RGS17: variants seen among roughly 807,000 people sequenced by gnomAD.
The protein encoded by RGS17 is regulator of G-protein signaling 17.
In RGS17, 12 loss-of-function variants were observed where a neutral mutation model predicts 25.5. The ratio of observed to expected loss-of-function variants is 0.47; its 90% CI spans 0.30 to 0.76. The LOEUF (loss-of-function observed/expected upper bound fraction) is 0.76, where lower values mean the gene tolerates loss of function less well. RGS17 is among the 30% of genes least tolerant of loss of function. RGS17 has a pLI of 0.07. For synonymous variants in RGS17, 71 were observed against 76.9 expected, an observed-to-expected ratio of 0.92 and a Z score of 0.40; for missense variants, 196 against 242.2, an observed-to-expected ratio of 0.81 and a Z score of 1.27.
Position 153,010,790 on chromosome 6 carries a change from TTTC to T in RGS17, c.*781_*783del, listed in dbSNP as rs1188867686. ...ACATCTGATATATACATAAATTCATTTTCTTCTATTACAGTTAAAAGCAATATC... is the reference window on the plus strand; with the variant it reads ...ACATCTGATATATACATAAATTCATTTTCTATTACAGTTAAAAGCAATATC... On this transcript the variant is annotated 3_prime_UTR_variant, in exon 5 of 5. Coordinates refer to ENST00000206262, the MANE Select transcript of RGS17 (RefSeq NM_012419.5). 6.6e-6 allele frequency: 1 copy of T among 151,992 alleles called. No individual in the cohort carries two copies. The highest frequency in any genetic ancestry group is 6.6e-5 in the Admixed American group (1 of 15,264). 9.4% of individuals were successfully genotyped at this position (151,992 alleles called of 1,614,324 possible). A position where few individuals can be genotyped will look rare whatever the true frequency, so the allele number is the denominator to read the frequency against.
chr6:153,119,417 G>A (rs1187519160), intron 1 of RGS17, among the ~76,000 whole-genome samples: 7 of 152,174 alleles, frequency 4.6e-5, no homozygotes, highest in African/African-American at 9.7e-5. Flanking sequence ...CAAGCCGGGC[G>A]CAGTGGCTCA....
intron 1 of RGS17, among the ~76,000 whole-genome samples, chr6:153,049,523 G>A (rs1430457130): frequency 1.3e-5 from 2 of 152,004 alleles, no homozygotes; most frequent in South Asian, 2.1e-4. Flanking sequence ...AGGCCGAGGC[G>A]GGTGGATCAC....
intron 1 of RGS17, among the ~76,000 whole-genome samples, chr6:153,127,133 C>G (rs962036433): frequency 6.6e-6 from 1 of 152,076 alleles, no homozygotes; most frequent in East Asian, 1.9e-4. Context: ...ATAGGGGTCA[C>G]GCTCCTATGA....
chr6:153,034,705 T>C (rs1776216944), intron 2 of RGS17, among the ~76,000 whole-genome samples: 1 of 152,192 alleles, frequency 6.6e-6, no homozygotes, highest in South Asian at 2.1e-4. Context: ...TACAGCCTCT[T>C]GAAAGTCAGC....
intron 1 of RGS17, among the ~76,000 whole-genome samples, chr6:153,074,746 C>T (rs1419572965): frequency 2.6e-5 from 4 of 152,062 alleles, no homozygotes. Flanking sequence ...ATTAATTGGG[C>T]TAATATTTTA....
chr6:153,103,937 A>C (rs1435024263), intron 1 of RGS17, among the ~76,000 whole-genome samples: 3 of 152,262 alleles, frequency 2.0e-5, no homozygotes, highest in Non-Finnish European at 4.4e-5. Context: ...TGAAGAGGAT[A>C]CCACATCTTA....
At chr6:153,076,736 T>C (rs894297470) in intron 1 of RGS17, among the ~76,000 whole-genome samples, 3 of 152,194 alleles carry the variant, frequency 2.0e-5, no homozygotes, top group South Asian at 2.1e-4. Flanking sequence ...ATATATGCAA[T>C]AGATTTTACT....
At chr6:153,091,802 C>T (rs889484816) in intron 1 of RGS17, among the ~76,000 whole-genome samples, 3 of 152,024 alleles carry the variant, frequency 2.0e-5, no homozygotes, top group Non-Finnish European at 4.4e-5. Context: ...CAGGAGCCAC[C>T]ATGCCCAGCC....
intron 4 of RGS17, among the ~76,000 whole-genome samples, chr6:153,018,313 C>T (rs61135022): frequency 0.016 from 2,402 of 152,268 alleles, 50 homozygotes; most frequent in African/African-American, 0.051. Context: ...AAAAGCACCA[C>T]ATTTGGAATC....
Position 153,079,079 on chromosome 6 carries a change from T to A in RGS17, c.-25-35036A>T, listed in dbSNP as rs530494323. Among the ~76,000 whole-genome samples the A allele has an allele frequency of 1.8e-3, 210 of 116,628 alleles. 1 individual carries two copies. Among genetic ancestry groups the A allele is most frequent in the Non-Finnish European group, 3.3e-3 (169 of 51,496 alleles). The allele number at this position is 116,628 out of a possible 152,430, so 76.5% of individuals were successfully genotyped here. ...CTAAAACAATGTTGAAAAGAAGTGATAAATTTTTTTTTTTTTTGAGATAGA... is the reference window on the plus strand; with the variant it reads ...CTAAAACAATGTTGAAAAGAAGTGAAAAATTTTTTTTTTTTTTGAGATAGA... On this transcript the variant is annotated intron_variant, in intron 1 of 4. Transcript: ENST00000206262.
intron 4 of RGS17, among the ~76,000 whole-genome samples, chr6:153,015,995 C>T (rs1296469126): frequency 2.6e-5 from 4 of 152,228 alleles, no homozygotes; most frequent in South Asian, 2.1e-4. Flanking sequence ...AATATTTGTG[C>T]GACTTGTTTT....
intron 1 of RGS17, among the ~76,000 whole-genome samples, chr6:153,052,584 CTGAA>C (rs1290528172): frequency 6.6e-6 from 1 of 151,134 alleles, no homozygotes; most frequent in African/African-American, 2.4e-5. Context: ...AGTTCTGTCT[CTGAA>C]TGAATGATAC....
chr6:153,024,339 CCTT>C lies in RGS17; in HGVS notation c.364_366del (p.Lys122del), dbSNP rs767232133. 1 of 1,614,048 alleles carries C rather than the reference CCTT, an allele frequency of 6.2e-7. No homozygotes were observed. Among genetic ancestry groups the C allele is most frequent in the South Asian group, 1.1e-5 (1 of 91,068 alleles). On this transcript the variant is annotated inframe_deletion, in exon 4 of 5. Coordinates refer to ENST00000206262, the MANE Select transcript of RGS17 (RefSeq NM_012419.5). ...TCTTCAATTACTTTTTTGTTCTGCT[CCTT>C]CTTTAAGTCTTCACAAGCAAGCCAG...
In RGS17 at chr6:153,070,828, TAC is replaced by T. The variant is rs983595381; in HGVS notation, c.-25-26787_-25-26786del. Among the ~76,000 whole-genome samples, 5 of 150,796 alleles carry T rather than the reference TAC, an allele frequency of 3.3e-5. No individual in the cohort carries two copies. In the South Asian group the frequency reaches 8.3e-4, roughly 25 times the overall value. On this transcript the variant is annotated intron_variant, in intron 1 of 4. Coordinates refer to ENST00000206262, the MANE Select transcript of RGS17 (RefSeq NM_012419.5). Reference sequence around the variant, plus strand: ...ATATACACATATACATATACATATATACACATACATATACATATACACAATAC... The same window carrying T: ...ATATACACATATACATATACATATATACATACATATACATATACACAATAC...
Position 153,130,601 on chromosome 6 carries a change from G to A in RGS17, c.-26+523C>T, listed in dbSNP as rs529522839. ...ACCTGAGCAGTGCATTTTCCCAAAG[G>A]TAAAGAGAGATAAGGGAGGAAACAC... On this transcript the variant is annotated intron_variant, in intron 1 of 4. Transcript: ENST00000206262. This position sits in a 1 kb window ranked among gnomAD's most constrained non-coding sequence, Gnocchi z 6.4. Among the ~76,000 whole-genome samples, 1 of 152,236 alleles carries A rather than the reference G, an allele frequency of 6.6e-6. No homozygotes were observed. Among genetic ancestry groups the A allele is most frequent in the East Asian group, 1.9e-4 (1 of 5,174 alleles).
At chr6:153,104,428 T>C (rs1227578037) in intron 1 of RGS17, among the ~76,000 whole-genome samples, 1 of 152,152 alleles carries the variant, frequency 6.6e-6, no homozygotes, top group Non-Finnish European at 1.5e-5. Flanking sequence ...CCAAGATAAA[T>C]GACTCTGAAT....
rs1238161396 is a variant in RGS17, at chr6:153,054,090, TTTTA to T, written c.-25-10051_-25-10048del. On this transcript the variant is annotated intron_variant, in intron 1 of 4. Transcript: ENST00000206262. Reference sequence around the variant, plus strand: ...TACATATATATATACACACAATATTTTTTATATATATATATATATATATGTGTAT... The same window carrying T: ...TACATATATATATACACACAATATTTTATATATATATATATATATGTGTAT... 3.2e-3 allele frequency among the ~76,000 whole-genome samples: 26 copies of T among 8,020 alleles called. 4 individuals carry two copies. The highest frequency in any genetic ancestry group is 9.3e-3 in the African/African-American group (18 of 1,940). 5.3% of individuals were successfully genotyped at this position (8,020 alleles called of 152,430 possible).
chr6:153,060,721 T>G (rs867617815), intron 1 of RGS17, among the ~76,000 whole-genome samples: 1 of 152,306 alleles, frequency 6.6e-6, no homozygotes, highest in African/African-American at 2.4e-5. Flanking sequence ...CGCACTTTTT[T>G]TTTTTTCTTA....
At chr6:153,014,764 C>T (rs1195075920) in intron 4 of RGS17, among the ~76,000 whole-genome samples, 3 of 150,066 alleles carry the variant, frequency 2.0e-5, no homozygotes, top group South Asian at 2.1e-4. Flanking sequence ...CGTTGCTGCA[C>T]TCCAGACTGG....
Sources: allele counts gnomAD v4.1 joint callset (sites outside exome capture counted in the v4.1 genomes callset), GRCh38; gene constraint gnomAD v4.1.1; non-coding constraint Gnocchi (gnomAD v3.1); transcripts MANE v1.5; gene names NCBI Gene and HGNC (gene_info 2026-07-23, HGNC 2026-07-21).